The following PHETA1 variants were observed in gnomAD, a reference collection of about 807,000 sequenced individuals.
PHETA1 encodes PH domain containing endocytic trafficking adaptor 1, also known as sesquipedalian-1.
For synonymous variants in PHETA1, 155 were observed against 168.9 expected (o/e 0.92, Z 0.64); for missense variants, 348 against 373.5 (o/e 0.93, Z 0.56).
intron 2 of PHETA1, chr12:111,365,750 C>A: frequency 1.0e-5 from 1 of 95,382 alleles, no homozygotes; most frequent in Non-Finnish European, 1.9e-5. Flanking sequence ...GAACACATAT[C>A]GGGGCCTGTT....
Position 111,363,314 on chromosome 12 carries a change from C to T in PHETA1, c.114G>A (p.Trp38Ter), listed in dbSNP as rs1367796268. 1 of 1,613,096 alleles carries T rather than the reference C, an allele frequency of 6.2e-7. No homozygotes were observed. The highest frequency in any genetic ancestry group is 1.7e-5 in the Admixed American group (1 of 60,000). Residue 38 changes from tryptophan (W) to a stop codon, truncating the protein, a stop_gained, in exon 3 of 3, where the codon TGG becomes TGA. Coordinates refer to ENST00000683047, the MANE Select transcript of PHETA1 (RefSeq NM_144671.6). LOFTEE classifies it low-confidence loss of function (END_TRUNC). This position sits in a 1 kb window ranked among gnomAD's most constrained non-coding sequence, Gnocchi z 7.4. Reference protein sequence around the residue: ...GGRHAAYHRRWFVLRGNMLFY... With the variant: ...GGRHAAYHRR ...AGAGCATGTTCCCGCGCAGCACGAA[C>T]CAGCGCCGGTGGTAGGCCGCGTGCC...
rs1277647483 is a variant in PHETA1, at chr12:111,362,873, C to G, written c.555G>C (p.Glu185Asp). Residue 185 changes from glutamate to aspartate, a missense_variant, in exon 3 of 3, where the codon GAG becomes GAC. Coordinates refer to ENST00000683047, the MANE Select transcript of PHETA1 (RefSeq NM_144671.6). ...PRRPSALPPKENGCAVWSTEA... is the reference protein window; with the variant it reads ...PRRPSALPPKDNGCAVWSTEA... ...CAGTGCTCCAGACAGCGCAGCCATT[C>G]TCCTTGGGCGGGAGGGCACTGGGCC... 19 of 1,534,164 alleles carry G rather than the reference C, an allele frequency of 1.2e-5. No homozygotes were observed. The highest frequency in any genetic ancestry group is 1.7e-5 in the Non-Finnish European group (19 of 1,144,150).
Position 111,362,833 on chromosome 12 carries a change from G to T in PHETA1, c.595C>A (p.Pro199Thr). 6.5e-7 allele frequency: 1 copy of T among 1,538,918 alleles called. No individual in the cohort carries two copies. Residue 199 changes from proline to threonine, a missense_variant, in exon 3 of 3, where the codon CCT (proline) becomes ACT (threonine). Pro to Thr is a conservative substitution (Grantham distance 38). Coordinates refer to ENST00000683047, the MANE Select transcript of PHETA1 (RefSeq NM_144671.6). Reference sequence around the variant, plus strand: ...GGTGGTGGAGGGGGCTCGGGTCCAGGCCTGAAGGTGGCCTCAGTGCTCCAG... The same window carrying T: ...GGTGGTGGAGGGGGCTCGGGTCCAGTCCTGAAGGTGGCCTCAGTGCTCCAG... ...AVWSTEATFR[P>T]GPEPPPPPPR... is the part of the protein sequence containing the mutation.
At position 111,362,806 on chromosome 12, in the gene PHETA1, G is replaced by C. The variant is rs1375103449; in HGVS notation, c.622C>G (p.Pro208Ala). Residue 208 changes from proline (P) to alanine (A), a missense_variant, in exon 3 of 3, where the codon CCT (proline) becomes GCT (alanine). Coordinates refer to ENST00000683047, the MANE Select transcript of PHETA1 (RefSeq NM_144671.6). Reference sequence around the variant, plus strand: ...TGGGGTGCCGAGGCCCGGCGGCGAGGCGGTGGTGGAGGGGGCTCGGGTCCA... The same window carrying C: ...TGGGGTGCCGAGGCCCGGCGGCGAGCCGGTGGTGGAGGGGGCTCGGGTCCA... The part of the protein sequence containing the change: ...RPGPEPPPPP[P>A]RRRASAPHGP... The C allele has an allele frequency of 3.2e-6, 5 of 1,539,158 alleles. No homozygotes were observed. The African/African-American group carries it at 5.5e-5, about 17-fold the overall frequency.
rs1593001867 is a variant in PHETA1, at chr12:111,360,696, A to G, written c.*1982T>C. ...ATCAGCCATTACTTGACAAAATTTTACTTTAGCCCTTGCATCTCCCTGCCA... is the reference window on the plus strand; with the variant it reads ...ATCAGCCATTACTTGACAAAATTTTGCTTTAGCCCTTGCATCTCCCTGCCA... On this transcript the variant is annotated 3_prime_UTR_variant, in exon 3 of 3. Coordinates refer to ENST00000683047, the MANE Select transcript of PHETA1 (RefSeq NM_144671.6). 1 of 152,612 alleles carries G rather than the reference A, an allele frequency of 6.6e-6. No individual in the cohort carries two copies. Among genetic ancestry groups the G allele is most frequent in the Non-Finnish European group, 1.5e-5 (1 of 68,026 alleles). The allele number at this position is 152,612 out of a possible 1,614,324, so 9.5% of individuals were successfully genotyped here.
rs1269652446 is a variant in PHETA1 at position 111,368,273 on chromosome 12, C to G, written c.-182+639G>C. Among the ~76,000 whole-genome samples the G allele has an allele frequency of 6.6e-6, 1 of 152,148 alleles. No individual in the cohort carries two copies. Among genetic ancestry groups the G allele is most frequent in the African/African-American group, 2.4e-5 (1 of 41,410 alleles). On this transcript the variant is annotated intron_variant, in intron 1 of 2. Coordinates refer to ENST00000683047, the MANE Select transcript of PHETA1 (RefSeq NM_144671.6). The surrounding 1 kb of genome is among the most constrained non-coding windows in gnomAD (Gnocchi z 5.0). ...TCATCCAAGATCTCCAGGGGCACAG[C>G]TGGCCCCGGAACCCAGGTCTCCTGG...
Position 111,363,496 on chromosome 12 carries a change from G to A in PHETA1, c.-36-33C>T. On this transcript the variant is annotated intron_variant, in intron 2 of 2. Transcript: ENST00000683047. This position sits in a 1 kb window ranked among gnomAD's most constrained non-coding sequence, Gnocchi z 7.4. Reference sequence around the variant, plus strand: ...CCATAGAAGGGCTGTTATGCACAAGGCCACTGACGCTAGGTCACCCAGTGC... The same window carrying A: ...CCATAGAAGGGCTGTTATGCACAAGACCACTGACGCTAGGTCACCCAGTGC... The A allele has an allele frequency of 1.3e-6, 2 of 1,565,136 alleles. No homozygotes were observed. Among genetic ancestry groups the A allele is most frequent in the Non-Finnish European group, 1.7e-6 (2 of 1,157,984 alleles).
At chr12:111,364,679 G>T (rs915901218) in intron 2 of PHETA1, among the ~76,000 whole-genome samples, 8 of 150,704 alleles carry the variant, frequency 5.3e-5, no homozygotes, top group African/African-American at 1.9e-4. Context: ...CAGAAGAATC[G>T]CTTGAACCCA....
intron 1 of PHETA1, among the ~76,000 whole-genome samples, chr12:111,366,907 A>G (rs1331257654): frequency 6.6e-6 from 1 of 151,796 alleles, no homozygotes; most frequent in Non-Finnish European, 1.5e-5. Context: ...TCTATAAAAA[A>G]TAGAAAAAAA....
At position 111,367,166 on chromosome 12, in the gene PHETA1, T is replaced by G. The variant is rs1258322451; in HGVS notation, c.-181-909A>C. Among the ~76,000 whole-genome samples the G allele has an allele frequency of 6.6e-6, 1 of 152,028 alleles. No homozygotes were observed. The highest frequency in any genetic ancestry group is 2.4e-5 in the African/African-American group (1 of 41,396). ...CAGACACATCCCCACCTCCAAGACT[T>G]GGTCCCGGCTGTCTGCCTGCAGGTC... On this transcript the variant is annotated intron_variant, in intron 1 of 2. Transcript: ENST00000683047. The surrounding 1 kb of genome is among the most constrained non-coding windows in gnomAD (Gnocchi z 4.0).
chr12:111,362,967 G>A lies in PHETA1; in HGVS notation c.461C>T (p.Ser154Phe), dbSNP rs1565946803. The change falls in exon 3 of 3, where the codon TCT becomes TTT. Residue 154 changes from serine to phenylalanine, a missense_variant. Ser to Phe is a radical substitution (Grantham distance 155). Coordinates refer to ENST00000683047, the MANE Select transcript of PHETA1 (RefSeq NM_144671.6). ...QSLPLPPSLP[S>F]ALAPVPSLPS... Reference sequence around the variant, plus strand: ...CAGGGATGGGACTGGGGCCAGGGCAGAGGGCAGGGACGGGGGCAAGGGCAG... The same window carrying A: ...CAGGGATGGGACTGGGGCCAGGGCAAAGGGCAGGGACGGGGGCAAGGGCAG... 6.8e-7 allele frequency: 1 copy of A among 1,481,306 alleles called. No homozygotes were observed. Among genetic ancestry groups the A allele is most frequent in the African/African-American group, 1.4e-5 (1 of 72,158 alleles). 91.8% of individuals were successfully genotyped at this position (1,481,306 alleles called of 1,614,324 possible). A position where few individuals can be genotyped will look rare whatever the true frequency, so the allele number is the denominator to read the frequency against.
Position 111,363,009 on chromosome 12 carries a change from TGGGGCA to T in PHETA1, c.413_418del (p.Leu138_Pro139del). 6.7e-7 allele frequency: 1 copy of T among 1,496,844 alleles called. No homozygotes were observed. The highest frequency in any genetic ancestry group is 8.8e-7 in the Non-Finnish European group (1 of 1,130,130). The allele number at this position is 1,496,844 out of a possible 1,614,324, so 92.7% of individuals were successfully genotyped here. ...CAAGGGCAGGGACTGGGGCTGGGGC[TGGGGCA>T]GGGCCATGCCACCCCCGCCACGTAC... On this transcript the variant is annotated inframe_deletion, in exon 3 of 3. Transcript: ENST00000683047. This position sits in a 1 kb window ranked among gnomAD's most constrained non-coding sequence, Gnocchi z 7.4.
Position 111,363,351 on chromosome 12 carries a change from T to C in PHETA1, c.77A>G (p.Lys26Arg). Residue 26 changes from lysine (K) to arginine (R), a missense_variant, in exon 3 of 3, where the codon AAG (lysine) becomes AGG (arginine). Coordinates refer to ENST00000683047, the MANE Select transcript of PHETA1 (RefSeq NM_144671.6). The surrounding 1 kb of genome is among the most constrained non-coding windows in gnomAD (Gnocchi z 7.4). ...APVDNAGFLY[K>R]KGGRHAAYHR... Reference sequence around the variant, plus strand: ...GTAGGCCGCGTGCCGCCCACCCTTCTTGTACAGGAAGCCTGCATTGTCCAC... The same window carrying C: ...GTAGGCCGCGTGCCGCCCACCCTTCCTGTACAGGAAGCCTGCATTGTCCAC... 1 of 1,613,114 alleles carries C rather than the reference T, an allele frequency of 6.2e-7. No homozygotes were observed. Among genetic ancestry groups the C allele is most frequent in the Non-Finnish European group, 8.5e-7 (1 of 1,179,952 alleles).
Position 111,362,238 on chromosome 12 carries a change from T to G in PHETA1, c.*440A>C. 1 of 369,038 alleles carries G rather than the reference T, an allele frequency of 2.7e-6. No homozygotes were observed. The highest frequency in any genetic ancestry group is 2.1e-5 in the South Asian group (1 of 48,358). The allele number at this position is 369,038 out of a possible 1,614,324, so 22.9% of individuals were successfully genotyped here. ...TGGCTGCCATGACCGATCCTCCCTC[T>G]GTCCACCCTGAAGGCCTGGTCAGGA... is the stretch of plus-strand genomic sequence containing the variant. On this transcript the variant is annotated 3_prime_UTR_variant, in exon 3 of 3. Transcript: ENST00000683047.
Position 111,363,822 on chromosome 12 carries a change from C to A in PHETA1, c.-36-359G>T. The A allele has an allele frequency of 8.9e-7, 1 of 1,120,526 alleles. No individual in the cohort carries two copies. The highest frequency in any genetic ancestry group is 1.2e-6 in the Non-Finnish European group (1 of 846,494). The allele number at this position is 1,120,526 out of a possible 1,614,324, so 69.4% of individuals were successfully genotyped here. A position where few individuals can be genotyped will look rare whatever the true frequency, so the allele number is the denominator to read the frequency against. ...GGCACCAGTGCAACAGATGAGGAAA[C>A]AGAGGCACAGAGAGGTTAACTGCTT... On this transcript the variant is annotated intron_variant, in intron 2 of 2. Coordinates refer to ENST00000683047, the MANE Select transcript of PHETA1 (RefSeq NM_144671.6). This position sits in a 1 kb window ranked among gnomAD's most constrained non-coding sequence, Gnocchi z 7.4.
chr12:111,365,765 GAT>G, intron 2 of PHETA1: 1 of 260,466 alleles, frequency 3.8e-6, no homozygotes, highest in Non-Finnish European at 7.5e-6. Context: ...CCTGTTGGGG[GAT>G]CGGGGGTGAG....
At position 111,369,092 on chromosome 12, in the gene PHETA1, G is replaced by T. The variant is rs1055679796; in HGVS notation, c.-362C>A. 1 of 152,264 alleles carries T rather than the reference G, an allele frequency of 6.6e-6. No individual in the cohort carries two copies. 9.4% of individuals were successfully genotyped at this position (152,264 alleles called of 1,614,324 possible). On this transcript the variant is annotated 5_prime_UTR_variant, in exon 1 of 3. Transcript: ENST00000683047. ...CCGACGGAAGGAGGCGGGAGCAACC[G>T]GACAGTCCGCGACCCACGGGCGCGC... is the stretch of plus-strand genomic sequence containing the variant.
At position 111,363,785 on chromosome 12, in the gene PHETA1, A is replaced by T; in HGVS notation, c.-36-322T>A. 7.3e-7 allele frequency: 1 copy of T among 1,362,282 alleles called. No individual in the cohort carries two copies. The highest frequency in any genetic ancestry group is 9.7e-7 in the Non-Finnish European group (1 of 1,033,520). 84.4% of individuals were successfully genotyped at this position (1,362,282 alleles called of 1,614,324 possible). Reference sequence around the variant, plus strand: ...TATCTCACAATAGACCTTAGGTCACAGGGACTGGCCTGGCACCAGTGCAAC... The same window carrying T: ...TATCTCACAATAGACCTTAGGTCACTGGGACTGGCCTGGCACCAGTGCAAC... On this transcript the variant is annotated intron_variant, in intron 2 of 2. Coordinates refer to ENST00000683047, the MANE Select transcript of PHETA1 (RefSeq NM_144671.6). The surrounding 1 kb of genome is among the most constrained non-coding windows in gnomAD (Gnocchi z 7.4).
chr12:111,362,869 C>T lies in PHETA1; in HGVS notation c.559G>A (p.Gly187Ser). The change falls in exon 3 of 3, where the codon GGC becomes AGC. Residue 187 changes from glycine (G) to serine (S), a missense_variant. Coordinates refer to ENST00000683047, the MANE Select transcript of PHETA1 (RefSeq NM_144671.6). The stretch of plus-strand genomic sequence containing the variant: ...GCCTCAGTGCTCCAGACAGCGCAGC[C>T]ATTCTCCTTGGGCGGGAGGGCACTG... ...RPSALPPKENGCAVWSTEATF... is the reference protein window; with the variant it reads ...RPSALPPKENSCAVWSTEATF... 6.5e-7 allele frequency: 1 copy of T among 1,535,654 alleles called. No homozygotes were observed. The highest frequency in any genetic ancestry group is 1.4e-5 in the African/African-American group (1 of 73,018).
Sources: allele counts gnomAD v4.1 joint callset (sites outside exome capture counted in the v4.1 genomes callset), GRCh38; gene constraint gnomAD v4.1.1; non-coding constraint Gnocchi (gnomAD v3.1); transcripts MANE v1.5; gene names NCBI Gene and HGNC (gene_info 2026-07-23, HGNC 2026-07-21).